SLC39A11: variants seen among roughly 807,000 people sequenced by gnomAD.
SLC39A11 encodes the protein solute carrier family 39 member 11, also known as zinc transporter ZIP11.
SLC39A11 carries 33 observed loss-of-function variants against 36.1 expected under a neutral mutation model. That is an observed-to-expected ratio of 0.91 (90% CI 0.69 to 1.22). The LOEUF (loss-of-function observed/expected upper bound fraction) is 1.22. Among genes scored for constraint, SLC39A11 ranks in the 50% most tolerant of loss-of-function variants. The probability of loss-of-function intolerance (pLI) is 0.00; values close to 1 mark genes in which losing one functional copy is unlikely to be tolerated. For missense variants in SLC39A11, 432 were observed against 430.3 expected (o/e 1.00, Z -0.03); for synonymous variants, 166 against 170.3 (o/e 0.97, Z 0.20).
At chr17:72,972,192 T>A (rs571128801) in intron 4 of SLC39A11, among the ~76,000 whole-genome samples, 1 of 152,286 alleles carries the variant, frequency 6.6e-6, no homozygotes, top group South Asian at 2.1e-4. Context: ...GGACACGTTA[T>A]AGTTATTGGT....
At chr17:73,082,714 G>A (rs752483281) in intron 3 of SLC39A11, among the ~76,000 whole-genome samples, 1 of 152,046 alleles carries the variant, frequency 6.6e-6, no homozygotes, top group Non-Finnish European at 1.5e-5. Context: ...CATCAGAACT[G>A]CTAAAGGAAT....
At chr17:73,065,980 C>T (rs1427683009) in intron 3 of SLC39A11, among the ~76,000 whole-genome samples, 1 of 152,012 alleles carries the variant, frequency 6.6e-6, no homozygotes, top group East Asian at 1.9e-4. Flanking sequence ...AGGCACCTGG[C>T]ACCAAAAAAG....
intron 6 of SLC39A11, among the ~76,000 whole-genome samples, chr17:72,844,166 A>G (rs2078947757): frequency 6.6e-6 from 1 of 152,202 alleles, no homozygotes; most frequent in Non-Finnish European, 1.5e-5. Context: ...ACCTTTTCAA[A>G]GGTAAGTTGG....
At chr17:73,051,932 GA>G (rs1644089100) in intron 3 of SLC39A11, among the ~76,000 whole-genome samples, 1 of 151,158 alleles carries the variant, frequency 6.6e-6, no homozygotes, top group African/African-American at 2.4e-5. Context: ...AAAAATCAAA[GA>G]AAATGTATCA....
intron 4 of SLC39A11, among the ~76,000 whole-genome samples, chr17:72,948,664 T>A (rs575068079): frequency 1.3e-5 from 2 of 152,308 alleles, no homozygotes; most frequent in South Asian, 4.1e-4. Context: ...CTTAAAACAA[T>A]CATGTCATTC....
chr17:73,062,258 G>A (rs1055610912), intron 3 of SLC39A11, among the ~76,000 whole-genome samples: 1 of 150,996 alleles, frequency 6.6e-6, no homozygotes, highest in African/African-American at 2.4e-5. Flanking sequence ...TCACAAGTTC[G>A]AGACCACCCT....
intron 4 of SLC39A11, among the ~76,000 whole-genome samples, chr17:73,031,050 G>C (rs1332653897): frequency 1.3e-5 from 2 of 152,188 alleles, no homozygotes; most frequent in Non-Finnish European, 2.9e-5. Flanking sequence ...TGGAAAACTA[G>C]AGCTCAGGGA....
chr17:72,956,066 T>C (rs1206014887), intron 4 of SLC39A11, among the ~76,000 whole-genome samples: 1 of 152,130 alleles, frequency 6.6e-6, no homozygotes, highest in African/African-American at 2.4e-5. Flanking sequence ...TGGGACAGCC[T>C]AGCTCACTCC....
At chr17:72,720,223 T>A (rs148875092) in intron 7 of SLC39A11, among the ~76,000 whole-genome samples, 55 of 152,224 alleles carry the variant, frequency 3.6e-4, no homozygotes, top group African/African-American at 1.3e-3. Context: ...CCAGGGCTCA[T>A]GAGCATGCAC....
At chr17:72,704,001 G>A (rs539246433) in intron 7 of SLC39A11, among the ~76,000 whole-genome samples, 5 of 152,310 alleles carry the variant, frequency 3.3e-5, no homozygotes, top group Admixed American at 1.3e-4. Flanking sequence ...GGTGGCATGC[G>A]CCTGTAGTCT....
At chr17:72,875,376 T>C (rs373887655) in intron 5 of SLC39A11, among the ~76,000 whole-genome samples, 65 of 152,324 alleles carry the variant, frequency 4.3e-4, no homozygotes, top group African/African-American at 1.4e-3. Flanking sequence ...GCTTTCATAA[T>C]GGCCAGGGTG....
chr17:72,765,207 T>C (rs1484674261), intron 6 of SLC39A11, among the ~76,000 whole-genome samples: 1 of 152,144 alleles, frequency 6.6e-6, no homozygotes, highest in Non-Finnish European at 1.5e-5. Context: ...AGACTGGCCT[T>C]TTGAGGTGTC....
At chr17:72,648,758 GCTGGGA>G in intron 9 of SLC39A11, 39 bp downstream of exon 9, 1 of 1,609,762 alleles carries the variant, frequency 6.2e-7, no homozygotes, top group Non-Finnish European at 8.5e-7. Flanking sequence ...TGGGGTCCCA[GCTGGGA>G]CTGGGACAGG....
At chr17:72,838,679 A>T (rs1190804267) in intron 6 of SLC39A11, among the ~76,000 whole-genome samples, 1 of 152,234 alleles carries the variant, frequency 6.6e-6, no homozygotes, top group Non-Finnish European at 1.5e-5. Flanking sequence ...AGAAAATGCC[A>T]CACAATAAAG....
intron 4 of SLC39A11, among the ~76,000 whole-genome samples, chr17:72,999,327 A>C (rs1156788239): frequency 6.6e-6 from 1 of 152,220 alleles, no homozygotes; most frequent in Admixed American, 6.5e-5. Flanking sequence ...TCTGGAATGC[A>C]ATAATATTTG....
chr17:72,747,495 T>C (rs1396290510), intron 6 of SLC39A11, among the ~76,000 whole-genome samples: 1 of 152,168 alleles, frequency 6.6e-6, no homozygotes, highest in African/African-American at 2.4e-5. Context: ...CCAGCCTGTC[T>C]GGGAAGTGTC....
chr17:72,678,815 G>A (rs74641005), intron 7 of SLC39A11, among the ~76,000 whole-genome samples: 300 of 152,220 alleles, frequency 2.0e-3, no homozygotes, highest in African/African-American at 6.8e-3. Context: ...GACATCCAGG[G>A]TGCAACAAAG....
chr17:72,936,825 C>T (rs566671869), intron 5 of SLC39A11, among the ~76,000 whole-genome samples: 27 of 152,300 alleles, frequency 1.8e-4, no homozygotes, highest in East Asian at 1.4e-3. Context: ...AAGGAAGGCG[C>T]GACCTAGATC....
intron 6 of SLC39A11, among the ~76,000 whole-genome samples, chr17:72,752,843 T>A (rs4573974): frequency 0.018 from 2,674 of 152,098 alleles, 78 homozygotes; most frequent in African/African-American, 0.06. Flanking sequence ...GTTTCTGGAG[T>A]TTTTGTTGGT....
Sources: gnomAD v4.1 joint callset for allele counts (sites outside exome capture counted in the v4.1 genomes callset) on GRCh38, gnomAD v4.1.1 for gene constraint, MANE v1.5 for transcripts, NCBI Gene and HGNC (gene_info 2026-07-23, HGNC 2026-07-21) for gene names.